The following SUCO variants were observed in gnomAD, a reference collection of about 807,000 sequenced individuals.
The protein encoded by SUCO is SUN domain containing ossification factor.
A neutral mutation model predicts 148.1 loss-of-function variants in SUCO; 57 were observed. That is an observed-to-expected ratio of 0.38 (90% CI 0.31 to 0.48). The LOEUF (loss-of-function observed/expected upper bound fraction) is 0.48, where lower values mean the gene tolerates loss of function less well. SUCO is among the 20% of genes least tolerant of loss of function. The pLI is 0.96. For missense variants in SUCO, 1,331 were observed against 1,468.2 expected (o/e 0.91, Z 1.53); for synonymous variants, 470 against 502.7 (o/e 0.93, Z 0.87).
intron 15 of SUCO, among the ~76,000 whole-genome samples, chr1:172,584,770 C>T (rs1043209434): frequency 2.6e-5 from 4 of 152,030 alleles, no homozygotes; most frequent in Non-Finnish European, 4.4e-5. Flanking sequence ...AGCAAGACTC[C>T]GTCTCCAAAA....
chr1:172,603,686 A>G (rs767726814), intron 22 of SUCO, among the ~76,000 whole-genome samples: 3 of 151,996 alleles, frequency 2.0e-5, no homozygotes, highest in Non-Finnish European at 4.4e-5. Context: ...TTCACAAACA[A>G]TACAGCTGTG....
At chr1:172,544,560 A>G (rs1396912388) in intron 1 of SUCO, among the ~76,000 whole-genome samples, 2 of 152,198 alleles carry the variant, frequency 1.3e-5, no homozygotes, top group Non-Finnish European at 2.9e-5. Context: ...GAAGAATTAT[A>G]GGTATTGAGT....
intron 6 of SUCO, chr1:172,568,281 A>G: frequency 1.0e-6 from 1 of 964,024 alleles, no homozygotes; most frequent in African/African-American, 1.8e-5. Flanking sequence ...TCTTTTTACA[A>G]ATTTATTGAT....
chr1:172,538,000 A>G (rs532397122), intron 1 of SUCO, among the ~76,000 whole-genome samples: 1 of 152,326 alleles, frequency 6.6e-6, no homozygotes, highest in East Asian at 1.9e-4. Context: ...GCGTGAGTGT[A>G]TGTGAGGAGA....
chr1:172,559,853 T>C (rs966111601), intron 6 of SUCO, among the ~76,000 whole-genome samples: 5 of 152,030 alleles, frequency 3.3e-5, no homozygotes, highest in African/African-American at 1.2e-4. Context: ...TTACAGAAAT[T>C]TGCTTCCGTC....
chr1:172,567,812 A>G (rs1654664570), intron 6 of SUCO, among the ~76,000 whole-genome samples: 2 of 152,292 alleles, frequency 1.3e-5, no homozygotes, highest in Admixed American at 6.5e-5. Flanking sequence ...TCTTGGCTCA[A>G]CAGATATTTC....
At chr1:172,573,039 A>G (rs549078833) in intron 9 of SUCO, among the ~76,000 whole-genome samples, 1 of 152,298 alleles carries the variant, frequency 6.6e-6, no homozygotes, top group African/African-American at 2.4e-5. Flanking sequence ...TTAAAAAAAA[A>G]CAGCTTTATT....
intron 22 of SUCO, among the ~76,000 whole-genome samples, chr1:172,606,436 C>T (rs1657873590): frequency 6.6e-6 from 1 of 151,694 alleles, no homozygotes. Flanking sequence ...TTGCCAAAGT[C>T]TCAAGTTCAT....
intron 15 of SUCO, chr1:172,584,322 A>G: frequency 2.4e-6 from 2 of 825,868 alleles, no homozygotes; most frequent in Non-Finnish European, 2.9e-6. Context: ...AACTGTAGAG[A>G]ATTTTTAAAG....
At chr1:172,571,216 G>T (rs563497332) in intron 9 of SUCO, among the ~76,000 whole-genome samples, 3 of 152,338 alleles carry the variant, frequency 2.0e-5, no homozygotes, top group South Asian at 4.1e-4. Flanking sequence ...GCGCCACCAC[G>T]CCTGACTGGT....
intron 1 of SUCO, among the ~76,000 whole-genome samples, chr1:172,537,306 G>A (rs1051857479): frequency 2.0e-5 from 3 of 151,886 alleles, no homozygotes; most frequent in Admixed American, 2.0e-4. Flanking sequence ...TTCTGTTAAC[G>A]GTACCTTTTG....
intron 6 of SUCO, among the ~76,000 whole-genome samples, chr1:172,561,062 G>A (rs1654114040): frequency 6.6e-6 from 1 of 152,260 alleles, no homozygotes; most frequent in African/African-American, 2.4e-5. Flanking sequence ...TAATCCAGGA[G>A]AAGCCACCAT....
intron 6 of SUCO, chr1:172,568,447 G>A (rs1046483882): frequency 4.1e-6 from 4 of 980,616 alleles, no homozygotes; most frequent in Non-Finnish European, 4.8e-6. Flanking sequence ...CTAACCAAAT[G>A]TATCAGCTTT....
chr1:172,552,510 GGTGT>G, intron 2 of SUCO: 1 of 332,736 alleles, frequency 3.0e-6, no homozygotes, highest in South Asian at 1.2e-4. Context: ...CACACATGTG[GGTGT>G]GTGTATCAAC....
intron 16 of SUCO, among the ~76,000 whole-genome samples, chr1:172,585,465 A>G (rs1169499568): frequency 1.3e-5 from 2 of 152,166 alleles, no homozygotes; most frequent in African/African-American, 4.8e-5. Flanking sequence ...AGAATGACAG[A>G]TGATAATATT....
intron 20 of SUCO, 138 bp downstream of exon 20, chr1:172,600,306 A>G (rs34612888): frequency 0.026 from 16,570 of 639,638 alleles, 337 homozygotes; most frequent in Non-Finnish European, 0.031. Context: ...TTCAAAAACC[A>G]GAATATGGCA....
intron 6 of SUCO, among the ~76,000 whole-genome samples, chr1:172,564,374 C>T (rs1354155618): frequency 6.6e-6 from 1 of 152,236 alleles, no homozygotes; most frequent in Non-Finnish European, 1.5e-5. Context: ...GGGGGCTCTA[C>T]CCTGCAGAAC....
At chr1:172,532,496 C>G, upstream of SUCO, 1 of 1,613,370 alleles carries the variant, frequency 6.2e-7, no homozygotes, top group Non-Finnish European at 8.5e-7. Context: ...TGGCACGCCC[C>G]TTTCTATCTA....
chr1:172,579,270 G>A lies in SUCO; in HGVS notation c.1498+3G>A. Reference sequence around the variant, plus strand: ...AAATCTTCTTGGTTCTGCTACAAGTGAGTATTTTGAGGATTTTCTATTCAT... The same window carrying A: ...AAATCTTCTTGGTTCTGCTACAAGTAAGTATTTTGAGGATTTTCTATTCAT... On this transcript the variant is annotated splice_donor_region_variant and intron_variant, in intron 15 of 23. Transcript: ENST00000263688. The A allele has an allele frequency of 6.4e-7, 1 of 1,568,482 alleles. No homozygotes were observed. Among genetic ancestry groups the A allele is most frequent in the Non-Finnish European group, 8.8e-7 (1 of 1,141,574 alleles).
Sources: allele counts gnomAD v4.1 joint callset (sites outside exome capture counted in the v4.1 genomes callset), GRCh38; gene constraint gnomAD v4.1.1; transcripts MANE v1.5; gene names NCBI Gene and HGNC (gene_info 2026-07-23, HGNC 2026-07-21).